TAF1C: variants seen among roughly 807,000 people sequenced by gnomAD.
TAF1C encodes TATA-box binding protein associated factor, RNA polymerase I subunit C.
In TAF1C, 79 loss-of-function variants were observed where a neutral mutation model predicts 70.5. The ratio of observed to expected loss-of-function variants is 1.12; its 90% CI spans 0.93 to 1.35. The LOEUF (loss-of-function observed/expected upper bound fraction) is 1.35. TAF1C is among the 40% of genes most tolerant of loss of function. The pLI is 0.00. For synonymous variants in TAF1C, 614 were observed against 491.1 expected, an observed-to-expected ratio of 1.25 and a Z score of -3.31; for missense variants, 1,412 against 1,127.8, an observed-to-expected ratio of 1.25 and a Z score of -3.61.
At chr16:84,180,683 C>T (rs1161620914) in intron 12 of TAF1C, 26 of 815,730 alleles carry the variant, frequency 3.2e-5, no homozygotes, top group Non-Finnish European at 4.3e-5. Flanking sequence ...GGCACGCCTA[C>T]GAATGTCCCC....
chr16:84,180,311 G>A lies in TAF1C; in HGVS notation c.1342C>T (p.Leu448=). ...TGGTTCCACTTCAGCATCGGCACCA[G>A]GGGAAGGCGCTCGTCCACTAGGTAG... ...SLYLVDERLP[L]VPMLKWNHGL... is the part of the protein sequence containing the mutation. Residue 448 remains leucine (L), a synonymous_variant, in exon 13 of 15, where the codon CTG becomes TTG. Transcript: ENST00000566732. 1 of 1,547,452 alleles carries A rather than the reference G, an allele frequency of 6.5e-7. No individual in the cohort carries two copies. The highest frequency in any genetic ancestry group is 8.7e-7 in the Non-Finnish European group (1 of 1,147,634).
chr16:84,178,382 A>G lies in TAF1C; in HGVS notation c.*559T>C. Reference sequence around the variant, plus strand: ...CTAAAAAACGTGACCATTCCAATTCATCTTCAGCTGCCAAGTGTATTTAGT... The same window carrying G: ...CTAAAAAACGTGACCATTCCAATTCGTCTTCAGCTGCCAAGTGTATTTAGT... On this transcript the variant is annotated 3_prime_UTR_variant, in exon 15 of 15. Transcript: ENST00000566732. 2.2e-6 allele frequency: 1 copy of G among 456,910 alleles called. No homozygotes were observed. Among genetic ancestry groups the G allele is most frequent in the East Asian group, 6.9e-5 (1 of 14,414 alleles). The allele number at this position is 456,910 out of a possible 1,614,324, so 28.3% of individuals were successfully genotyped here.
At position 84,179,517 on chromosome 16, in the gene TAF1C, C is replaced by T; in HGVS notation, c.1956G>A (p.Arg652=). ...CCATGGCCTTGCGGAGCACACCCAG[C>T]CGCTGCCCTTCCTCTTCCTCCCTCC... The part of the protein sequence containing the change: ...ELRREEEEGQ[R]LGVLRKAMAR... The change falls in exon 15 of 15, where the codon CGG becomes CGA. Residue 652 remains arginine (R), a synonymous_variant. Coordinates refer to ENST00000566732, the MANE Select transcript of TAF1C (RefSeq NM_001243156.2). 3 of 1,604,292 alleles carry T rather than the reference C, an allele frequency of 1.9e-6. No individual in the cohort carries two copies. The highest frequency in any genetic ancestry group is 1.1e-5 in the South Asian group (1 of 90,956).
rs988542413 is a variant in TAF1C at position 84,179,415 on chromosome 16, G to A, written c.2058C>T (p.Gly686=). 4.3e-5 allele frequency: 69 copies of A among 1,597,608 alleles called. No homozygotes were observed. The highest frequency in any genetic ancestry group is 5.3e-5 in the Non-Finnish European group (63 of 1,177,852). ...AAEPPPAPES[G]LEDKLSERLG... ...GGCGCTCACTGAGCTTGTCCTCTAG[G>A]CCTGACTCGGGTGCAGGGGGTGGCT... Residue 686 remains glycine, a synonymous_variant, in exon 15 of 15, where the codon GGC becomes GGT. Coordinates refer to ENST00000566732, the MANE Select transcript of TAF1C (RefSeq NM_001243156.2).
At position 84,177,902 on chromosome 16, in the gene TAF1C, A is replaced by C. The variant is rs917185319; in HGVS notation, c.*1039T>G. ...CATAAATGTCTCCCTTAGGCATGAT[A>C]AACATTTTAACACCCACGCGAGTCA... On this transcript the variant is annotated 3_prime_UTR_variant, in exon 15 of 15. Transcript: ENST00000566732. 1.6e-5 allele frequency: 23 copies of C among 1,411,570 alleles called. No homozygotes were observed. In the East Asian group the frequency reaches 5.0e-4, roughly 31 times the overall value. 87.4% of individuals were successfully genotyped at this position (1,411,570 alleles called of 1,614,324 possible).
chr16:84,183,230 C>A lies in TAF1C; in HGVS notation c.408+14G>T, dbSNP rs768275223. ...AGCAGGGAGTCCCCACCCCTGGAGT[C>A]ACGGGCCACTCACCCCCGCTCCCTC... On this transcript the variant is annotated intron_variant, in intron 5 of 14. Transcript: ENST00000566732. The A allele has an allele frequency of 3.1e-6, 5 of 1,614,010 alleles. No homozygotes were observed. The highest frequency in any genetic ancestry group is 3.4e-6 in the Non-Finnish European group (4 of 1,180,010).
intron 12 of TAF1C, 178 bp downstream of exon 12, chr16:84,180,865 T>A (rs2089135772): frequency 2.1e-6 from 3 of 1,407,276 alleles, no homozygotes; most frequent in East Asian, 2.6e-5. Flanking sequence ...CTTCCCCACC[T>A]GCCTGTTAGC....
In TAF1C at chr16:84,178,844, A is replaced by G; in HGVS notation, c.*97T>C. 1 of 1,373,008 alleles carries G rather than the reference A, an allele frequency of 7.3e-7. No individual in the cohort carries two copies. Among genetic ancestry groups the G allele is most frequent in the South Asian group, 1.4e-5 (1 of 69,812 alleles). 85.1% of individuals were successfully genotyped at this position (1,373,008 alleles called of 1,614,324 possible). A position where few individuals can be genotyped will look rare whatever the true frequency, so the allele number is the denominator to read the frequency against. On this transcript the variant is annotated 3_prime_UTR_variant, in exon 15 of 15. Transcript: ENST00000566732. Reference sequence around the variant, plus strand: ...TCACAGTGGCCTCCAGAAGGTGGCGAGCTCTGCTTCTCAAGTTTCAACTGT... The same window carrying G: ...TCACAGTGGCCTCCAGAAGGTGGCGGGCTCTGCTTCTCAAGTTTCAACTGT...
Position 84,183,436 on chromosome 16 carries a change from G to A in TAF1C, c.292C>T (p.Arg98Ter), listed in dbSNP as rs375606596. The A allele has an allele frequency of 7.4e-6, 12 of 1,612,314 alleles. No individual in the cohort carries two copies. The highest frequency in any genetic ancestry group is 6.7e-5 in the African/African-American group (5 of 75,028). ...TGCTCAGTCACATCCAGCACGACTC[G>A]GGGCCGCTTCCGATACCGGCACCCT... ...RGGCRYRKRPRVVLDVTEQIS... is the reference protein window; with the variant it reads ...RGGCRYRKRP The change falls in exon 4 of 15, where the codon CGA becomes TGA. Residue 98 changes from arginine (R) to a stop codon, truncating the protein, a stop_gained. Transcript: ENST00000566732. LOFTEE classifies it high-confidence loss of function.
Position 84,178,082 on chromosome 16 carries a change from C to A in TAF1C, c.*859G>T. ...AGTGAGCATTTTCCCCACAGGAAAACAGAATCTTCCACTGCAGCTAGAGAA... is the reference window on the plus strand; with the variant it reads ...AGTGAGCATTTTCCCCACAGGAAAAAAGAATCTTCCACTGCAGCTAGAGAA... On this transcript the variant is annotated 3_prime_UTR_variant, in exon 15 of 15. Transcript: ENST00000566732. 2 of 494,166 alleles carry A rather than the reference C, an allele frequency of 4.0e-6. No individual in the cohort carries two copies. The highest frequency in any genetic ancestry group is 4.0e-5 in the South Asian group (2 of 50,364). 30.6% of individuals were successfully genotyped at this position (494,166 alleles called of 1,614,324 possible). A position where few individuals can be genotyped will look rare whatever the true frequency, so the allele number is the denominator to read the frequency against.
Position 84,179,510 on chromosome 16 carries a change from C to T in TAF1C, c.1963G>A (p.Val655Met), listed in dbSNP as rs1422702821. 1.2e-6 allele frequency: 2 copies of T among 1,603,428 alleles called. No individual in the cohort carries two copies. The highest frequency in any genetic ancestry group is 8.5e-7 in the Non-Finnish European group (1 of 1,175,668). Reference protein sequence around the residue: ...REEEEGQRLGVLRKAMARGQL... With the variant: ...REEEEGQRLGMLRKAMARGQL... ...CCTCGGGCCATGGCCTTGCGGAGCA[C>T]ACCCAGCCGCTGCCCTTCCTCTTCC... The change falls in exon 15 of 15, where the codon GTG becomes ATG. Residue 655 changes from valine to methionine, a missense_variant. Physicochemically the swap from Val to Met is conservative, Grantham distance 21. Transcript: ENST00000566732.
At chr16:84,184,037 C>A (rs2089348423) in intron 2 of TAF1C, among the ~76,000 whole-genome samples, 1 of 152,220 alleles carries the variant, frequency 6.6e-6, no homozygotes, top group Non-Finnish European at 1.5e-5. Context: ...CCGACCTCCA[C>A]CTGTGCTGGC....
At position 84,179,071 on chromosome 16, in the gene TAF1C, T is replaced by C. The variant is rs1263003409; in HGVS notation, c.2402A>G (p.Asp801Gly). 6.2e-7 allele frequency: 1 copy of C among 1,610,656 alleles called. No individual in the cohort carries two copies. The change falls in exon 15 of 15, where the codon GAC (aspartate) becomes GGC (glycine). Residue 801 changes from aspartate (D) to glycine (G), a missense_variant. Physicochemically the swap from Asp to Gly is moderately conservative, Grantham distance 94. Transcript: ENST00000566732. Reference sequence around the variant, plus strand: ...AGGTGTGGTGGCACAGCCTGGGGTGTCCCTCTGGGGTGGTAGCTTGGCCAT... The same window carrying C: ...AGGTGTGGTGGCACAGCCTGGGGTGCCCCTCTGGGGTGGTAGCTTGGCCAT... ...DYMAKLPPQR[D>G]TPGCATTPPH...
In TAF1C at chr16:84,179,779, G is replaced by C. The variant is rs4150172; in HGVS notation, c.1694C>G (p.Ala565Gly). 3 of 1,609,224 alleles carry C rather than the reference G, an allele frequency of 1.9e-6. No homozygotes were observed. Among genetic ancestry groups the C allele is most frequent in the South Asian group, 2.2e-5 (2 of 90,614 alleles). The stretch of plus-strand genomic sequence containing the variant: ...GAGCTGCTGGTAGAAGACATCTCCC[G>C]CCGCCGAGAGCTGGAAGAGCACCAG... ...PGLVLFQLSA[A>G]GDVFYQQLRP... The change falls in exon 15 of 15, where the codon GCG becomes GGG. Residue 565 changes from alanine to glycine, a missense_variant. Coordinates refer to ENST00000566732, the MANE Select transcript of TAF1C (RefSeq NM_001243156.2).
At position 84,181,324 on chromosome 16, in the gene TAF1C, G is replaced by T. The variant is rs4150152; in HGVS notation, c.1164+4C>A. On this transcript the variant is annotated splice_donor_region_variant and intron_variant, in intron 11 of 14. Transcript: ENST00000566732. ...GGGGTGGGTCCTCTGCCGCCAGCCC[G>T]TACCTGAGTGTCCAGCATCTTCACT... The T allele has an allele frequency of 4.9e-4, 786 of 1,613,108 alleles. 3 individuals carry two copies. The African/African-American group carries it at 9.3e-3, about 19-fold the overall frequency.
At chr16:84,186,810 G>C (rs1419169447) in intron 1 of TAF1C, 91 bp downstream of exon 1, 2 of 152,286 alleles carry the variant, frequency 1.3e-5, no homozygotes, top group African/African-American at 4.8e-5. Flanking sequence ...GCGGGGACTG[G>C]GGATTGGGGG....
chr16:84,180,814 G>T, intron 12 of TAF1C: 1 of 1,363,388 alleles, frequency 7.3e-7, no homozygotes, highest in Non-Finnish European at 9.4e-7. Flanking sequence ...TCCACCCCTG[G>T]CTGCACCTCG....
In TAF1C at chr16:84,181,191, A is replaced by G; in HGVS notation, c.1165-5T>C. ...CAGACCACAGCCCGGCGGGCCCTGG[A>G]AGATAAACACAGGGTCAGCCCTCCC... On this transcript the variant is annotated splice_region_variant and splice_polypyrimidine_tract_variant and intron_variant, in intron 11 of 14. Transcript: ENST00000566732. 1 of 1,604,516 alleles carries G rather than the reference A, an allele frequency of 6.2e-7. No individual in the cohort carries two copies. The highest frequency in any genetic ancestry group is 8.5e-7 in the Non-Finnish European group (1 of 1,172,476).
chr16:84,186,373 G>C (rs889413719), intron 1 of TAF1C, among the ~76,000 whole-genome samples: 1 of 152,182 alleles, frequency 6.6e-6, no homozygotes, highest in Non-Finnish European at 1.5e-5. Context: ...GGCCAATACA[G>C]TGAAACCCTG....
Sources: allele counts gnomAD v4.1 joint callset (sites outside exome capture counted in the v4.1 genomes callset), GRCh38; gene constraint gnomAD v4.1.1; transcripts MANE v1.5; gene names NCBI Gene and HGNC (gene_info 2026-07-23, HGNC 2026-07-21).